PRKCZ: variants seen among roughly 807,000 people sequenced by gnomAD.
PRKCZ encodes protein kinase C zeta type.
A neutral mutation model predicts 79.5 loss-of-function variants in PRKCZ; 33 were observed. The ratio of observed to expected loss-of-function variants is 0.41; its 90% confidence interval spans 0.31 to 0.55. The LOEUF is 0.55. Ranked by LOEUF, PRKCZ falls within the 20% of genes least tolerant of loss-of-function variation. The pLI is 0.19. For missense variants in PRKCZ, 578 were observed against 813.5 expected (o/e 0.71, Z 3.52); for synonymous variants, 342 against 320.9 (o/e 1.07, Z -0.70).
chr1:2,102,812 A>G (rs1020681374), intron 4 of PRKCZ, among the ~76,000 whole-genome samples: 3 of 152,104 alleles, frequency 2.0e-5, no homozygotes, highest in Non-Finnish European at 4.4e-5. Context: ...CAGGGCCCAG[A>G]AACCTAGGGG....
rs532791040 is a variant in PRKCZ, at chr1:2,069,218, A to T, written c.334+9627A>T. 3.3e-5 allele frequency among the ~76,000 whole-genome samples: 5 copies of T among 151,970 alleles called. No individual in the cohort carries two copies. The South Asian group carries it at 1.0e-3, about 32-fold the overall frequency. Reference sequence around the variant, plus strand: ...CCGTGCTGTGCTTGTTGAAACTGAGATCCTCTAGCCTTTGGCCTCTCCGGA... The same window carrying T: ...CCGTGCTGTGCTTGTTGAAACTGAGTTCCTCTAGCCTTTGGCCTCTCCGGA... On this transcript the variant is annotated intron_variant, in intron 4 of 17. Coordinates refer to ENST00000378567, the MANE Select transcript of PRKCZ (RefSeq NM_002744.6).
intron 4 of PRKCZ, among the ~76,000 whole-genome samples, chr1:2,126,846 T>C (rs1674002191): frequency 6.6e-6 from 1 of 152,174 alleles, no homozygotes; most frequent in Non-Finnish European, 1.5e-5. Flanking sequence ...CGGCCGCCCA[T>C]CCCTCCTGGG....
rs779455788 is a variant in PRKCZ, at chr1:2,184,597, G to A, written c.1590G>A (p.Gln530=). 6.2e-7 allele frequency: 1 copy of A among 1,613,880 alleles called. No homozygotes were observed. Among genetic ancestry groups the A allele is most frequent in the Non-Finnish European group, 8.5e-7 (1 of 1,179,956 alleles). Residue 530 remains glutamine, a synonymous_variant, in exon 17 of 18, where the codon CAG becomes CAA. Transcript: ENST00000378567. The part of the protein sequence containing the change: ...SIDWDLLEKK[Q]ALPPFQPQIT... ...GTTTTTCCAAGCTGGAGAAGAAGCA[G>A]GCGCTCCCTCCATTCCAGCCACAGA...
At chr1:2,152,993 T>C (rs2103249349) in intron 9 of PRKCZ, among the ~76,000 whole-genome samples, 1 of 152,360 alleles carries the variant, frequency 6.6e-6, no homozygotes, top group East Asian at 1.9e-4. Flanking sequence ...TTCTTTTGAG[T>C]GCAAACCTAG....
At chr1:2,153,218 T>G (rs1317530975) in intron 9 of PRKCZ, among the ~76,000 whole-genome samples, 1 of 152,268 alleles carries the variant, frequency 6.6e-6, no homozygotes, top group East Asian at 1.9e-4. Context: ...CTGACAGTGT[T>G]CAGCATCTTT....
chr1:2,051,429 G>A (rs959403618), intron 1 of PRKCZ, among the ~76,000 whole-genome samples: 9 of 152,240 alleles, frequency 5.9e-5, no homozygotes, highest in Non-Finnish European at 8.8e-5. Context: ...CCCCCGAAGT[G>A]TGGGCGGTGG....
intron 10 of PRKCZ, among the ~76,000 whole-genome samples, chr1:2,161,610 A>G (rs541027283): frequency 6.6e-6 from 1 of 152,142 alleles, no homozygotes; most frequent in Non-Finnish European, 1.5e-5. Context: ...TGTAGTTCTA[A>G]TCGGGAGGCA....
chr1:2,162,033 CCAGA>C (rs1269142277), intron 10 of PRKCZ, among the ~76,000 whole-genome samples: 1 of 152,204 alleles, frequency 6.6e-6, no homozygotes. Context: ...GCGTCACCAT[CCAGA>C]CAGTTTTGCC....
chr1:2,087,557 A>G (rs1224696841), intron 4 of PRKCZ, among the ~76,000 whole-genome samples: 2 of 152,210 alleles, frequency 1.3e-5, no homozygotes, highest in African/African-American at 2.4e-5. Context: ...CTTCGCTCCC[A>G]AGGGTTTTTA....
chr1:2,093,847 G>T (rs1374030434), intron 4 of PRKCZ, among the ~76,000 whole-genome samples: 1 of 152,106 alleles, frequency 6.6e-6, no homozygotes, highest in Non-Finnish European at 1.5e-5. Flanking sequence ...GCCTTGGCGG[G>T]CACGGGACGA....
chr1:2,073,703 C>T, intron 4 of PRKCZ: 9 of 994,074 alleles, frequency 9.1e-6, no homozygotes, highest in Non-Finnish European at 1.1e-5. Flanking sequence ...CGGGTACCAC[C>T]CGGGCCTGGA....
rs999425149 is a variant in PRKCZ at position 2,185,350 on chromosome 1, T to C, written c.*341T>C. 3 of 718,722 alleles carry C rather than the reference T, an allele frequency of 4.2e-6. No individual in the cohort carries two copies. The highest frequency in any genetic ancestry group is 7.8e-6 in the Non-Finnish European group (3 of 385,156). 44.5% of individuals were successfully genotyped at this position (718,722 alleles called of 1,614,324 possible). On this transcript the variant is annotated 3_prime_UTR_variant, in exon 18 of 18. Transcript: ENST00000378567. ...GCACTGACCTGCTCCGCCAGGAAAG[T>C]GAGCGTGTAGCGTCCTGAGGAATAA...
Position 2,082,129 on chromosome 1 carries a change from C to T in PRKCZ, c.334+22538C>T, listed in dbSNP as rs77437905. The T allele has an allele frequency of 3.2e-3, 1,041 of 322,998 alleles. 42 individuals carry two copies. In the East Asian group the frequency reaches 0.077, roughly 24 times the overall value. The allele number at this position is 322,998 out of a possible 1,614,324, so 20.0% of individuals were successfully genotyped here. A position where few individuals can be genotyped will look rare whatever the true frequency, so the allele number is the denominator to read the frequency against. ...CTAAGTGTCTTTCCACACGGCCATC[C>T]GAGGGCGGACGTGGTCAGGGGTGCT... On this transcript the variant is annotated intron_variant, in intron 4 of 17. Coordinates refer to ENST00000378567, the MANE Select transcript of PRKCZ (RefSeq NM_002744.6). This position sits in a 1 kb window ranked among gnomAD's most constrained non-coding sequence, Gnocchi z 4.4.
intron 4 of PRKCZ, among the ~76,000 whole-genome samples, chr1:2,070,355 C>T (rs931646974): frequency 2.1e-4 from 32 of 152,184 alleles, no homozygotes; most frequent in East Asian, 1.9e-4. Flanking sequence ...GAGCCTGGAA[C>T]GCTTGGGTCA....
At chr1:2,144,373 C>A in intron 6 of PRKCZ, 32 bp downstream of exon 6, 10 of 1,552,600 alleles carry the variant, frequency 6.4e-6, no homozygotes, top group Non-Finnish European at 7.8e-6. Flanking sequence ...GCCCGGGGGG[C>A]ACGGGCGGGG....
intron 4 of PRKCZ, among the ~76,000 whole-genome samples, chr1:2,060,869 G>A (rs545902433): frequency 6.6e-6 from 1 of 152,294 alleles, no homozygotes; most frequent in Non-Finnish European, 1.5e-5. Flanking sequence ...TCAGGGCCCT[G>A]ATCACCTACG....
At chr1:2,153,081 G>A (rs755580994) in intron 9 of PRKCZ, among the ~76,000 whole-genome samples, 3 of 152,240 alleles carry the variant, frequency 2.0e-5, no homozygotes, top group Admixed American at 1.3e-4. Flanking sequence ...ACGCAGCCGC[G>A]CCGTTTCACC....
At chr1:2,081,623 C>T (rs1418503667) in intron 4 of PRKCZ, among the ~76,000 whole-genome samples, 3 of 152,156 alleles carry the variant, frequency 2.0e-5, no homozygotes, top group Admixed American at 6.5e-5. Context: ...GAAGTCACCA[C>T]ACTGTGCCCG....
chr1:2,130,559 GCTTGTTCATAGAGA>G, intron 4 of PRKCZ, among the ~76,000 whole-genome samples: 1 of 152,292 alleles, frequency 6.6e-6, no homozygotes, highest in Non-Finnish European at 1.5e-5. Flanking sequence ...TAAGGAACTG[GCTTGTTCATAGAGA>G]CTTATGAAGC....
Sources: allele counts gnomAD v4.1 joint callset (sites outside exome capture counted in the v4.1 genomes callset), GRCh38; gene constraint gnomAD v4.1.1; non-coding constraint Gnocchi (gnomAD v3.1); transcripts MANE v1.5; gene names NCBI Gene and HGNC (gene_info 2026-07-23, HGNC 2026-07-21).